The following HS6ST3 variants were observed in gnomAD, a reference collection of about 807,000 sequenced individuals.
HS6ST3 encodes the protein heparan-sulfate 6-O-sulfotransferase 3.
In HS6ST3, 12 loss-of-function variants were observed where a neutral mutation model predicts 36.7. The observed-to-expected ratio is 0.33, with a 90% CI of 0.21 to 0.53. The LOEUF (loss-of-function observed/expected upper bound fraction) is 0.53, where lower values mean the gene tolerates loss of function less well. HS6ST3 is among the 20% of genes least tolerant of loss of function. HS6ST3 has a pLI of 0.95. For missense variants in HS6ST3, 584 were observed against 640.9 expected, an observed-to-expected ratio of 0.91 and a Z score of 0.96; for synonymous variants, 240 against 257.5, an observed-to-expected ratio of 0.93 and a Z score of 0.65.
intron 1 of HS6ST3, among the ~76,000 whole-genome samples, chr13:96,309,584 C>T (rs1341901227): frequency 6.6e-6 from 1 of 152,100 alleles, no homozygotes; most frequent in Admixed American, 6.5e-5. Flanking sequence ...CAAAATGTTG[C>T]TTGCATGTGC....
chr13:96,375,470 C>A (rs1325358540), intron 1 of HS6ST3, among the ~76,000 whole-genome samples: 5 of 152,200 alleles, frequency 3.3e-5, no homozygotes, highest in Non-Finnish European at 7.3e-5. Flanking sequence ...AAAAAATACT[C>A]ATTGAATGAA....
chr13:96,244,794 AACAG>A (rs2054577217), intron 1 of HS6ST3, among the ~76,000 whole-genome samples: 2 of 152,210 alleles, frequency 1.3e-5, no homozygotes, highest in African/African-American at 4.8e-5. Flanking sequence ...GGTGGCCTAT[AACAG>A]AAGTCTGCCA....
chr13:96,197,951 C>T (rs914086726), intron 1 of HS6ST3, among the ~76,000 whole-genome samples: 1 of 152,202 alleles, frequency 6.6e-6, no homozygotes, highest in Non-Finnish European at 1.5e-5. Context: ...CTCTTCTGCA[C>T]TGGCCTAACA....
At chr13:96,565,817 G>A (rs1367294340) in intron 1 of HS6ST3, among the ~76,000 whole-genome samples, 1 of 152,064 alleles carries the variant, frequency 6.6e-6, no homozygotes, top group Non-Finnish European at 1.5e-5. Flanking sequence ...CCCTACCCCA[G>A]TAAACTTTCT....
intron 1 of HS6ST3, among the ~76,000 whole-genome samples, chr13:96,660,683 C>G (rs1020583858): frequency 6.6e-6 from 1 of 152,062 alleles, no homozygotes; most frequent in Non-Finnish European, 1.5e-5. Flanking sequence ...CTATTAATAT[C>G]AAACAATAAG....
At chr13:96,283,604 AC>A (rs2054785988) in intron 1 of HS6ST3, among the ~76,000 whole-genome samples, 1 of 152,162 alleles carries the variant, frequency 6.6e-6, no homozygotes, top group Non-Finnish European at 1.5e-5. Flanking sequence ...TTTGTCACCT[AC>A]ACCTGAATGA....
At chr13:96,756,362 T>C (rs1876831373) in intron 1 of HS6ST3, among the ~76,000 whole-genome samples, 1 of 152,194 alleles carries the variant, frequency 6.6e-6, no homozygotes, top group Non-Finnish European at 1.5e-5. Flanking sequence ...AATTTTAATT[T>C]AGATGAAATT....
Position 96,832,625 on chromosome 13 carries a change from G to C in HS6ST3, c.843G>C (p.Leu281=), listed in dbSNP as rs758271659. ...CDGRSPTPDE[L]PTCYPGDDWS... The stretch of plus-strand genomic sequence containing the variant: ...GAAGAAGCCCCACCCCAGATGAGCT[G>C]CCTACCTGCTACCCTGGGGATGACT... The change falls in exon 2 of 2, where the codon CTG becomes CTC. Residue 281 remains leucine (L), a synonymous_variant. Coordinates refer to ENST00000376705, the MANE Select transcript of HS6ST3 (RefSeq NM_153456.4). 5 of 1,614,046 alleles carry C rather than the reference G, an allele frequency of 3.1e-6. No homozygotes were observed. In the Admixed American group the frequency reaches 6.7e-5, roughly 22 times the overall value.
chr13:96,231,705 A>G (rs964208822), intron 1 of HS6ST3, among the ~76,000 whole-genome samples: 1 of 152,160 alleles, frequency 6.6e-6, no homozygotes, highest in African/African-American at 2.4e-5. Flanking sequence ...ATCAAGGCCC[A>G]TGCGCAAAAG....
chr13:96,332,399 C>T (rs1294267579), intron 1 of HS6ST3, among the ~76,000 whole-genome samples: 2 of 152,094 alleles, frequency 1.3e-5, no homozygotes, highest in African/African-American at 2.4e-5. Flanking sequence ...TTGAGAAAAT[C>T]TTATCTTTTT....
intron 1 of HS6ST3, among the ~76,000 whole-genome samples, chr13:96,333,832 C>A (rs1377346078): frequency 6.6e-6 from 1 of 152,094 alleles, no homozygotes; most frequent in Non-Finnish European, 1.5e-5. Flanking sequence ...AGCTTCCAGG[C>A]AGGACCATAC....
chr13:96,738,143 A>G lies in HS6ST3; in HGVS notation c.708-94347A>G, dbSNP rs185465569. On this transcript the variant is annotated intron_variant, in intron 1 of 1. Coordinates refer to ENST00000376705, the MANE Select transcript of HS6ST3 (RefSeq NM_153456.4). ...CTACACTATATTACCAAAGATTATT[A>G]TCTTTATTAATATATTTATTTGATC... 1.8e-3 allele frequency among the ~76,000 whole-genome samples: 278 copies of G among 152,286 alleles called. 2 individuals are homozygous for G. Among genetic ancestry groups the G allele is most frequent in the Admixed American group, 7.2e-3 (110 of 15,302 alleles).
intron 1 of HS6ST3, among the ~76,000 whole-genome samples, chr13:96,665,421 C>G (rs990406622): frequency 6.6e-6 from 1 of 152,026 alleles, no homozygotes; most frequent in Non-Finnish European, 1.5e-5. Context: ...AAATAACTAA[C>G]TCATTTTAAT....
chr13:96,492,607 G>A (rs1455076902), intron 1 of HS6ST3, among the ~76,000 whole-genome samples: 1 of 152,300 alleles, frequency 6.6e-6, no homozygotes, highest in African/African-American at 2.4e-5. Flanking sequence ...TTCTAAGAGG[G>A]CAATTTTATT....
chr13:96,382,145 G>T (rs1219792904), intron 1 of HS6ST3, among the ~76,000 whole-genome samples: 1 of 152,140 alleles, frequency 6.6e-6, no homozygotes, highest in African/African-American at 2.4e-5. Context: ...AAGGAGGGTT[G>T]TTTTGCTAGA....
chr13:96,640,527 TA>T (rs1166223958), intron 1 of HS6ST3, among the ~76,000 whole-genome samples: 4 of 151,818 alleles, frequency 2.6e-5, no homozygotes, highest in Admixed American at 2.0e-4. Context: ...TTCTGTTTAT[TA>T]TAGTTTATTT....
intron 1 of HS6ST3, among the ~76,000 whole-genome samples, chr13:96,376,267 G>A (rs1015500600): frequency 6.6e-6 from 1 of 152,070 alleles, no homozygotes; most frequent in African/African-American, 2.4e-5. Flanking sequence ...CTAGCATTTG[G>A]GCTTTTCATG....
At chr13:96,788,548 G>A (rs1328174207) in intron 1 of HS6ST3, among the ~76,000 whole-genome samples, 2 of 151,820 alleles carry the variant, frequency 1.3e-5, no homozygotes, top group Non-Finnish European at 2.9e-5. Context: ...CTACAAATGG[G>A]AATTAGATCC....
intron 1 of HS6ST3, among the ~76,000 whole-genome samples, chr13:96,379,564 T>A (rs1242564032): frequency 6.6e-6 from 1 of 152,236 alleles, no homozygotes; most frequent in Admixed American, 6.5e-5. Context: ...TCATAGCAGC[T>A]GGAAGGGACT....
Sources: gnomAD v4.1 joint callset for allele counts (sites outside exome capture counted in the v4.1 genomes callset) on GRCh38, gnomAD v4.1.1 for gene constraint, MANE v1.5 for transcripts, NCBI Gene and HGNC (gene_info 2026-07-23, HGNC 2026-07-21) for gene names.